RASSF9: variants seen among roughly 807,000 people sequenced by gnomAD.
RASSF9 encodes the protein ras association domain-containing protein 9.
RASSF9 carries 18 observed loss-of-function variants against 21.4 expected under a neutral mutation model. That is an observed-to-expected ratio of 0.84 (90% confidence interval 0.58 to 1.25). The LOEUF (loss-of-function observed/expected upper bound fraction) is 1.25. Ranked by LOEUF, RASSF9 falls within the 50% of genes most tolerant of loss-of-function variation. RASSF9 has a pLI of 0.00. For missense variants in RASSF9, 480 were observed against 503.2 expected (o/e 0.95, Z 0.44); for synonymous variants, 183 against 179.1 (o/e 1.02, Z -0.18).
chr12:85,813,937 G>C (rs776376773), intron 1 of RASSF9, among the ~76,000 whole-genome samples: 1 of 151,998 alleles, frequency 6.6e-6, no homozygotes, highest in Non-Finnish European at 1.5e-5. Context: ...AGCCTGGAAA[G>C]TATAATACTA....
intron 1 of RASSF9, 102 bp from the exon 2 acceptor site, chr12:85,806,064 A>G: frequency 7.7e-7 from 1 of 1,292,944 alleles, no homozygotes; most frequent in South Asian, 1.6e-5. Context: ...ACCCTTAATG[A>G]GAGAGGCATT....
intron 1 of RASSF9, among the ~76,000 whole-genome samples, chr12:85,813,207 G>A (rs187360358): frequency 6.6e-6 from 1 of 151,630 alleles, no homozygotes; most frequent in African/African-American, 2.4e-5. Flanking sequence ...TTAGCCTCAG[G>A]GATATTTTTC....
intron 1 of RASSF9, among the ~76,000 whole-genome samples, chr12:85,825,562 A>G (rs1474825458): frequency 6.6e-6 from 1 of 152,192 alleles, no homozygotes; most frequent in African/African-American, 2.4e-5. Flanking sequence ...CTACAAGGAC[A>G]GAGTAGTTGA....
intron 1 of RASSF9, among the ~76,000 whole-genome samples, chr12:85,830,291 A>G (rs921265133): frequency 6.6e-6 from 1 of 152,096 alleles, no homozygotes; most frequent in African/African-American, 2.4e-5. Flanking sequence ...TATGTCATCT[A>G]TTTATTAGAC....
At chr12:85,811,282 G>A (rs1046044886) in intron 1 of RASSF9, among the ~76,000 whole-genome samples, 13 of 151,830 alleles carry the variant, frequency 8.6e-5, no homozygotes, top group Non-Finnish European at 1.3e-4. Context: ...AGAGGAATAG[G>A]GACTGAGACT....
chr12:85,822,170 C>G (rs1444849669), intron 1 of RASSF9, among the ~76,000 whole-genome samples: 1 of 152,046 alleles, frequency 6.6e-6, no homozygotes, highest in Admixed American at 6.6e-5. Flanking sequence ...TTTTGACAGC[C>G]GAATCCACAT....
chr12:85,827,443 AC>A (rs1880357789), intron 1 of RASSF9, among the ~76,000 whole-genome samples: 2 of 152,118 alleles, frequency 1.3e-5, no homozygotes, highest in African/African-American at 4.8e-5. Context: ...TAGTACAATT[AC>A]CTCTCTACAT....
chr12:85,801,373 T>C lies in RASSF9; in HGVS notation c.*3329A>G, dbSNP rs542692739. 6.6e-6 allele frequency: 1 copy of C among 151,880 alleles called. No individual in the cohort carries two copies. Among genetic ancestry groups the C allele is most frequent in the Non-Finnish European group, 1.5e-5 (1 of 68,028 alleles). 9.4% of individuals were successfully genotyped at this position (151,880 alleles called of 1,614,324 possible). A position where few individuals can be genotyped will look rare whatever the true frequency, so the allele number is the denominator to read the frequency against. On this transcript the variant is annotated 3_prime_UTR_variant, in exon 2 of 2. Transcript: ENST00000361228. ...CATTCATGTACAAAATGTACAAGCA[T>C]CATTTACCATCTATAAAACACACAC...
intron 1 of RASSF9, among the ~76,000 whole-genome samples, chr12:85,834,947 CAA>C (rs1880526411): frequency 6.6e-6 from 1 of 151,780 alleles, no homozygotes; most frequent in Non-Finnish European, 1.5e-5. Flanking sequence ...GAAATATTGT[CAA>C]ATTATTAGAA....
chr12:85,825,852 A>G (rs1880322499), intron 1 of RASSF9, among the ~76,000 whole-genome samples: 1 of 152,090 alleles, frequency 6.6e-6, no homozygotes, highest in Non-Finnish European at 1.5e-5. Flanking sequence ...TATGTTTGAA[A>G]GCAATTTCAA....
rs943295425 is a variant in RASSF9, at chr12:85,803,008, A to G, written c.*1694T>C. 3.3e-5 allele frequency: 5 copies of G among 152,166 alleles called. No individual in the cohort carries two copies. The highest frequency in any genetic ancestry group is 9.7e-5 in the African/African-American group (4 of 41,450). 9.4% of individuals were successfully genotyped at this position (152,166 alleles called of 1,614,324 possible). ...AAGACCTGAAAATATCTATTTTGGT[A>G]CAAGAAATGATAGTATAAATGCTCA... is the stretch of plus-strand genomic sequence containing the variant. On this transcript the variant is annotated 3_prime_UTR_variant, in exon 2 of 2. Transcript: ENST00000361228.
intron 1 of RASSF9, among the ~76,000 whole-genome samples, chr12:85,806,164 A>G (rs1447469484): frequency 6.6e-6 from 1 of 151,434 alleles, no homozygotes; most frequent in Non-Finnish European, 1.5e-5. Flanking sequence ...CTCCTGCCTC[A>G]GCCTCCCCAG....
intron 1 of RASSF9, among the ~76,000 whole-genome samples, chr12:85,818,546 T>A (rs983393634): frequency 8.5e-5 from 13 of 152,246 alleles, no homozygotes; most frequent in Non-Finnish European, 1.9e-4. Flanking sequence ...ATTTATCAAC[T>A]ACATCAATGT....
intron 1 of RASSF9, among the ~76,000 whole-genome samples, chr12:85,826,313 A>G (rs2136561785): frequency 6.6e-6 from 1 of 152,056 alleles, no homozygotes; most frequent in East Asian, 1.9e-4. Context: ...TATTGGCCCC[A>G]TGCACTGAAT....
chr12:85,819,771 T>C (rs1204173846), intron 1 of RASSF9, among the ~76,000 whole-genome samples: 1 of 152,176 alleles, frequency 6.6e-6, no homozygotes, highest in Non-Finnish European at 1.5e-5. Context: ...CTGTCTGCTT[T>C]AGAAAAACCA....
At chr12:85,828,310 G>T (rs1253293068) in intron 1 of RASSF9, among the ~76,000 whole-genome samples, 1 of 152,020 alleles carries the variant, frequency 6.6e-6, no homozygotes, top group Non-Finnish European at 1.5e-5. Flanking sequence ...CAACAGTGTG[G>T]TTGTAGGCAG....
intron 1 of RASSF9, among the ~76,000 whole-genome samples, chr12:85,816,774 T>A (rs988583929): frequency 6.6e-6 from 1 of 152,138 alleles, no homozygotes; most frequent in Non-Finnish European, 1.5e-5. Flanking sequence ...AATTAAACTT[T>A]TTATGAAAAA....
In RASSF9 at chr12:85,805,117, A is replaced by G. The variant is rs1429702903; in HGVS notation, c.893T>C (p.Ile298Thr). Residue 298 changes from isoleucine to threonine, a missense_variant, in exon 2 of 2, where the codon ATA (isoleucine) becomes ACA (threonine). Transcript: ENST00000361228. Reference sequence around the variant, plus strand: ...AGCTTCCCCTTCCGCATCTTCATTTATATCAATGCAAACACTTTTTACCTC... The same window carrying G: ...AGCTTCCCCTTCCGCATCTTCATTTGTATCAATGCAAACACTTTTTACCTC... ...EKEVKSVCID[I>T]NEDAEGEAAS... The G allele has an allele frequency of 3.7e-6, 6 of 1,613,542 alleles. No individual in the cohort carries two copies. The African/African-American group carries it at 6.7e-5, about 18-fold the overall frequency.
intron 1 of RASSF9, among the ~76,000 whole-genome samples, chr12:85,807,459 A>G (rs960510610): frequency 1.3e-5 from 2 of 152,108 alleles, no homozygotes; most frequent in African/African-American, 2.4e-5. Context: ...TATGCTTTAC[A>G]TATGTCTGTC....
Sources: allele counts gnomAD v4.1 joint callset (sites outside exome capture counted in the v4.1 genomes callset), GRCh38; gene constraint gnomAD v4.1.1; transcripts MANE v1.5; gene names NCBI Gene and HGNC (gene_info 2026-07-23, HGNC 2026-07-21).